KIAA1217: variants seen among roughly 807,000 people sequenced by gnomAD.
KIAA1217 encodes KIAA1217, also known as sickle tail protein homolog.
Under a neutral mutation model 163.9 loss-of-function variants are expected in KIAA1217, and 88 were observed. That is an observed-to-expected ratio of 0.54 (90% CI 0.45 to 0.64). The LOEUF (loss-of-function observed/expected upper bound fraction) is 0.64, where lower values mean the gene tolerates loss of function less well. KIAA1217 is among the 30% of genes least tolerant of loss of function. The pLI, the probability that KIAA1217 is intolerant of heterozygous loss-of-function variation, is 0.00. For missense variants in KIAA1217, 2,372 were observed against 2,475.0 expected (o/e 0.96, Z 0.88); for synonymous variants, 903 against 923.1 (o/e 0.98, Z 0.39).
intron 2 of KIAA1217, among the ~76,000 whole-genome samples, chr10:24,357,022 G>T (rs1050654967): frequency 4.6e-5 from 7 of 152,208 alleles, no homozygotes; most frequent in African/African-American, 1.7e-4. Flanking sequence ...CAGGGCCTGG[G>T]CTAAGAATTG....
intron 1 of KIAA1217, among the ~76,000 whole-genome samples, chr10:23,855,425 T>A (rs1839603820): frequency 1.3e-5 from 2 of 152,198 alleles, no homozygotes; most frequent in Admixed American, 1.3e-4. Context: ...TAACCCGACC[T>A]TTCTGTCTGG....
In KIAA1217 at chr10:24,305,490, T is replaced by C. The variant is rs114908404; in HGVS notation, c.355-75379T>C. ...GCATTGTTACTTGTGTCTATGCCCTTTTTATTTCCTCAGTGGTTAGTTTTG... is the reference window on the plus strand; with the variant it reads ...GCATTGTTACTTGTGTCTATGCCCTCTTTATTTCCTCAGTGGTTAGTTTTG... On this transcript the variant is annotated intron_variant, in intron 2 of 20. Transcript: ENST00000376454. Among the ~76,000 whole-genome samples, 229 of 152,286 alleles carry C rather than the reference T, an allele frequency of 1.5e-3. 1 individual carries two copies. Among genetic ancestry groups the C allele is most frequent in the African/African-American group, 5.1e-3 (214 of 41,564 alleles).
chr10:24,078,974 C>T (rs552135126), intron 2 of KIAA1217, among the ~76,000 whole-genome samples: 6 of 152,284 alleles, frequency 3.9e-5, no homozygotes, highest in Admixed American at 2.0e-4. Flanking sequence ...GTCTGATTTC[C>T]GTTTAAGGTT....
intron 1 of KIAA1217, among the ~76,000 whole-genome samples, chr10:23,904,965 T>C (rs1325969676): frequency 6.6e-6 from 1 of 151,934 alleles, no homozygotes; most frequent in Non-Finnish European, 1.5e-5. Context: ...TTCTTTTTTT[T>C]TTTTCTACCC....
chr10:23,818,008 TACAC>T (rs1255645777), intron 1 of KIAA1217, among the ~76,000 whole-genome samples: 2 of 87,256 alleles, frequency 2.3e-5, no homozygotes, highest in African/African-American at 5.3e-5. Context: ...TATATATATA[TACAC>T]ACATATATAT....
intron 3 of KIAA1217, among the ~76,000 whole-genome samples, chr10:24,386,953 G>A (rs2054093574): frequency 6.6e-6 from 1 of 152,144 alleles, no homozygotes; most frequent in Non-Finnish European, 1.5e-5. Flanking sequence ...TATGAAATTT[G>A]TTTTTTCTAA....
intron 2 of KIAA1217, among the ~76,000 whole-genome samples, chr10:24,125,881 AT>A (rs1564730320): frequency 6.6e-6 from 1 of 152,112 alleles, no homozygotes; most frequent in African/African-American, 2.4e-5. Flanking sequence ...GATTACTGTC[AT>A]TTATTTTTGC....
At chr10:24,050,343 C>T (rs1357320871) in intron 2 of KIAA1217, among the ~76,000 whole-genome samples, 2 of 152,156 alleles carry the variant, frequency 1.3e-5, no homozygotes, top group Non-Finnish European at 2.9e-5. Flanking sequence ...GCTTTTGTTG[C>T]CATTGCTTCT....
chr10:24,121,438 G>T (rs1201820638), intron 2 of KIAA1217, among the ~76,000 whole-genome samples: 1 of 152,186 alleles, frequency 6.6e-6, no homozygotes, highest in Non-Finnish European at 1.5e-5. Context: ...ATTCTTGGGA[G>T]AAAATCGCAT....
At chr10:24,215,638 G>T (rs548520976) in intron 1 of KIAA1217, among the ~76,000 whole-genome samples, 2 of 152,286 alleles carry the variant, frequency 1.3e-5, no homozygotes, top group East Asian at 3.9e-4. Context: ...CCACTGAAAA[G>T]ACCACATTCT....
At chr10:24,168,935 G>C (rs1250064182) in intron 2 of KIAA1217, among the ~76,000 whole-genome samples, 1 of 152,186 alleles carries the variant, frequency 6.6e-6, no homozygotes, top group East Asian at 1.9e-4. Context: ...TCACTCTTAG[G>C]TGTGCTTGCC....
chr10:23,835,002 T>G (rs1838381548), intron 1 of KIAA1217, among the ~76,000 whole-genome samples: 1 of 152,134 alleles, frequency 6.6e-6, no homozygotes, highest in African/African-American at 2.4e-5. Context: ...GAACAAATGC[T>G]CTGGCATTTG....
At chr10:24,483,534 A>G (rs536751846) in intron 6 of KIAA1217, among the ~76,000 whole-genome samples, 1 of 152,312 alleles carries the variant, frequency 6.6e-6, no homozygotes, top group Non-Finnish European at 1.5e-5. Flanking sequence ...GACCAAATAT[A>G]GCAAATGTTT....
At chr10:24,411,542 T>C (rs768668792) in intron 3 of KIAA1217, among the ~76,000 whole-genome samples, 2 of 152,246 alleles carry the variant, frequency 1.3e-5, no homozygotes, top group Non-Finnish European at 2.9e-5. Flanking sequence ...AGGATATACT[T>C]GGTGAATTCT....
At chr10:23,825,768 G>T (rs1837868077) in intron 1 of KIAA1217, among the ~76,000 whole-genome samples, 3 of 152,144 alleles carry the variant, frequency 2.0e-5, no homozygotes, top group African/African-American at 7.2e-5. Flanking sequence ...AAAAAATAGT[G>T]GTAAAACGTG....
intron 1 of KIAA1217, among the ~76,000 whole-genome samples, chr10:23,707,377 C>T (rs750113247): frequency 7.9e-5 from 12 of 152,106 alleles, no homozygotes; most frequent in African/African-American, 1.7e-4. Context: ...AGGCTACCTG[C>T]GGCCTGGAAG....
intron 1 of KIAA1217, among the ~76,000 whole-genome samples, chr10:23,805,742 G>A (rs1031340476): frequency 6.6e-6 from 1 of 151,942 alleles, no homozygotes; most frequent in East Asian, 1.9e-4. Flanking sequence ...GGCCAGGTGC[G>A]GTGGCTCACG....
intron 2 of KIAA1217, among the ~76,000 whole-genome samples, chr10:24,353,451 C>T (rs180913715): frequency 2.7e-3 from 415 of 152,152 alleles, no homozygotes; most frequent in Admixed American, 3.7e-3. Flanking sequence ...TTTTGCCCTT[C>T]TCCTGGAAGA....
intron 14 of KIAA1217, among the ~76,000 whole-genome samples, chr10:24,531,374 T>G (rs901792514): frequency 2.0e-5 from 3 of 152,170 alleles, no homozygotes; most frequent in African/African-American, 7.2e-5. Flanking sequence ...TACTGTTTTT[T>G]CAGACTGAGG....
Sources: allele counts gnomAD v4.1 joint callset (sites outside exome capture counted in the v4.1 genomes callset), GRCh38; gene constraint gnomAD v4.1.1; transcripts MANE v1.5; gene names NCBI Gene and HGNC (gene_info 2026-07-23, HGNC 2026-07-21).